The following LAPTM4B variants were observed in gnomAD, a reference collection of about 807,000 sequenced individuals.
The protein encoded by LAPTM4B is lysosomal-associated transmembrane protein 4B.
A neutral mutation model predicts 28.5 loss-of-function variants in LAPTM4B; 26 were observed. The ratio of observed to expected loss-of-function variants is 0.91; its 90% CI spans 0.67 to 1.27. LAPTM4B has a LOEUF of 1.27. Ranked by LOEUF, LAPTM4B falls within the 50% of genes most tolerant of loss-of-function variation. LAPTM4B has a pLI of 0.00. For synonymous variants in LAPTM4B, 109 were observed against 106.4 expected (o/e 1.02, Z -0.15); for missense variants, 288 against 285.8 (o/e 1.01, Z -0.06).
chr8:97,801,709 G>A (rs1448426915), intron 1 of LAPTM4B, among the ~76,000 whole-genome samples: 2 of 152,056 alleles, frequency 1.3e-5, no homozygotes, highest in East Asian at 3.8e-4. Context: ...CAGGTGTGGT[G>A]GCAGGTGTCT....
chr8:97,807,070 C>T (rs1816766106), intron 2 of LAPTM4B, among the ~76,000 whole-genome samples: 2 of 152,084 alleles, frequency 1.3e-5, no homozygotes, highest in African/African-American at 4.8e-5. Context: ...CTTTTTCTTC[C>T]CAGTCTCGGG....
intron 1 of LAPTM4B, among the ~76,000 whole-genome samples, chr8:97,803,981 T>C (rs1181608053): frequency 6.6e-6 from 1 of 152,212 alleles, no homozygotes; most frequent in South Asian, 2.1e-4. Flanking sequence ...CATTAGTTAG[T>C]GTTGTTAGTA....
Position 97,851,714 on chromosome 8 carries a change from A to C in LAPTM4B, c.*240A>C. The stretch of plus-strand genomic sequence containing the variant: ...ATTGGGGATATAATGGGCTTCACTA[A>C]CCTTCCCTAGGCATTGAAACTTCCC... On this transcript the variant is annotated 3_prime_UTR_variant, in exon 7 of 7. Transcript: ENST00000521545. 1 of 535,398 alleles carries C rather than the reference A, an allele frequency of 1.9e-6. No homozygotes were observed. Among genetic ancestry groups the C allele is most frequent in the Non-Finnish European group, 3.3e-6 (1 of 301,542 alleles). 33.2% of individuals were successfully genotyped at this position (535,398 alleles called of 1,614,324 possible).
chr8:97,793,467 C>T (rs936887103), intron 1 of LAPTM4B, among the ~76,000 whole-genome samples: 1 of 152,008 alleles, frequency 6.6e-6, no homozygotes, highest in African/African-American at 2.4e-5. Context: ...AAAAATTGTT[C>T]TTGGAATTAT....
At chr8:97,783,544 C>G (rs1260543092) in intron 1 of LAPTM4B, among the ~76,000 whole-genome samples, 1 of 152,164 alleles carries the variant, frequency 6.6e-6, no homozygotes, top group Non-Finnish European at 1.5e-5. Flanking sequence ...AACAGCCAGG[C>G]TTTCTCTGAG....
At chr8:97,798,067 T>G (rs1002301989) in intron 1 of LAPTM4B, among the ~76,000 whole-genome samples, 1 of 152,166 alleles carries the variant, frequency 6.6e-6, no homozygotes, top group Non-Finnish European at 1.5e-5. Context: ...ACTGTGGGCA[T>G]TATGTATTCT....
rs1817525666 is a variant in LAPTM4B at position 97,851,659 on chromosome 8, A to G, written c.*185A>G. 1 of 603,108 alleles carries G rather than the reference A, an allele frequency of 1.7e-6. No individual in the cohort carries two copies. Among genetic ancestry groups the G allele is most frequent in the East Asian group, 2.8e-5 (1 of 36,008 alleles). The allele number at this position is 603,108 out of a possible 1,614,324, so 37.4% of individuals were successfully genotyped here. On this transcript the variant is annotated 3_prime_UTR_variant, in exon 7 of 7. Coordinates refer to ENST00000521545, the MANE Select transcript of LAPTM4B (RefSeq NM_018407.6). ...ACATATGCTTTGCTGGAACACTGTG[A>G]TAGATTAACTGTAGAATTCTTCCTG...
At chr8:97,788,583 C>T (rs1816444109) in intron 1 of LAPTM4B, among the ~76,000 whole-genome samples, 1 of 152,060 alleles carries the variant, frequency 6.6e-6, no homozygotes, top group South Asian at 2.1e-4. Context: ...AAGTACACAG[C>T]CCATCATTTT....
At chr8:97,812,054 C>G (rs533358314) in intron 2 of LAPTM4B, among the ~76,000 whole-genome samples, 2 of 152,072 alleles carry the variant, frequency 1.3e-5, no homozygotes, top group African/African-American at 2.4e-5. Context: ...GATCCATCCA[C>G]CTTGGCCTCC....
At position 97,851,711 on chromosome 8, in the gene LAPTM4B, C is replaced by T. The variant is rs1027038891; in HGVS notation, c.*237C>T. ...ACGATTGGGGATATAATGGGCTTCA[C>T]TAACCTTCCCTAGGCATTGAAACTT... is the stretch of plus-strand genomic sequence containing the variant. On this transcript the variant is annotated 3_prime_UTR_variant, in exon 7 of 7. Transcript: ENST00000521545. The T allele has an allele frequency of 2.8e-5, 15 of 539,526 alleles. No homozygotes were observed. The highest frequency in any genetic ancestry group is 4.9e-4 in the Middle Eastern group (1 of 2,034). 33.4% of individuals were successfully genotyped at this position (539,526 alleles called of 1,614,324 possible). A position where few individuals can be genotyped will look rare whatever the true frequency, so the allele number is the denominator to read the frequency against.
intron 6 of LAPTM4B, among the ~76,000 whole-genome samples, chr8:97,841,404 T>A (rs1441701476): frequency 1.3e-5 from 2 of 152,276 alleles, no homozygotes; most frequent in Non-Finnish European, 2.9e-5. Flanking sequence ...CTTGGCTTAC[T>A]GCAACCTCCA....
chr8:97,834,156 A>AAAAAAAAAAAAAAAAAAAAAAAAAT (rs1563619974), intron 6 of LAPTM4B, among the ~76,000 whole-genome samples: 1 of 150,004 alleles, frequency 6.7e-6, no homozygotes, highest in African/African-American at 2.4e-5. Flanking sequence ...AAAAAAAAAA[A>AAAAAAAAAAAAAAAAAAAAAAAAAT]AATCCAGGTG....
rs1204117225 is a variant in LAPTM4B at position 97,851,495 on chromosome 8, G to A, written c.*21G>A. The A allele has an allele frequency of 6.3e-7, 1 of 1,589,656 alleles. No homozygotes were observed. The highest frequency in any genetic ancestry group is 8.6e-7 in the Non-Finnish European group (1 of 1,157,822). On this transcript the variant is annotated 3_prime_UTR_variant, in exon 7 of 7. Transcript: ENST00000521545. ...CCTAAGCCTTCAAGTGGGCGGAGCT[G>A]AGGGCAGCAGCTTGACTTTGCAGAC...
chr8:97,799,768 G>A (rs554588944), intron 1 of LAPTM4B, among the ~76,000 whole-genome samples: 6 of 151,922 alleles, frequency 3.9e-5, no homozygotes, highest in South Asian at 4.2e-4. Context: ...TCCTAGTTTC[G>A]AGGCCTCTTC....
rs181891369 is a variant in LAPTM4B, at chr8:97,814,851, G to A, written c.212-477G>A. On this transcript the variant is annotated intron_variant, in intron 2 of 6. Transcript: ENST00000521545. ...TGGGTCAGCAGGTGCCCACCACCAC[G>A]CCCGGCTAATTTTTTGTATTTTTAG... 6.3e-4 allele frequency among the ~76,000 whole-genome samples: 96 copies of A among 152,114 alleles called. No individual in the cohort carries two copies. The East Asian group carries it at 0.016, about 25-fold the overall frequency.
At chr8:97,814,136 G>T (rs186932478) in intron 2 of LAPTM4B, among the ~76,000 whole-genome samples, 1 of 152,290 alleles carries the variant, frequency 6.6e-6, no homozygotes, top group Non-Finnish European at 1.5e-5. Context: ...AAGCTGCAAT[G>T]AGCCATGATC....
At chr8:97,839,101 C>T (rs1817306040) in intron 6 of LAPTM4B, among the ~76,000 whole-genome samples, 1 of 152,178 alleles carries the variant, frequency 6.6e-6, no homozygotes, top group African/African-American at 2.4e-5. Context: ...TTTTCCTTGG[C>T]TGTAATTCTG....
intron 6 of LAPTM4B, among the ~76,000 whole-genome samples, chr8:97,829,487 G>T (rs985497026): frequency 1.3e-5 from 2 of 152,082 alleles, no homozygotes; most frequent in Admixed American, 1.3e-4. Flanking sequence ...AAGACGGGAG[G>T]TTACCTAAGG....
intron 1 of LAPTM4B, 32 bp downstream of exon 1, chr8:97,776,140 C>T: frequency 2.0e-6 from 3 of 1,484,732 alleles, no homozygotes; most frequent in Non-Finnish European, 2.7e-6. Flanking sequence ...CGGGACCCTG[C>T]GTTGCTTCCG....
Sources: allele counts gnomAD v4.1 joint callset (sites outside exome capture counted in the v4.1 genomes callset), GRCh38; gene constraint gnomAD v4.1.1; transcripts MANE v1.5; gene names NCBI Gene and HGNC (gene_info 2026-07-23, HGNC 2026-07-21).